The following GRM1 variants were observed in gnomAD, a reference collection of about 807,000 sequenced individuals.
GRM1 encodes metabotropic glutamate receptor 1.
A neutral mutation model predicts 90.9 loss-of-function variants in GRM1; 33 were observed. That is an observed-to-expected ratio of 0.36 (90% CI 0.28 to 0.49). The LOEUF (loss-of-function observed/expected upper bound fraction) is 0.49. GRM1 is among the 20% of genes least tolerant of loss of function. GRM1 has a pLI of 0.99. For missense variants in GRM1, 1,190 were observed against 1,534.3 expected (o/e 0.78, Z 3.75); for synonymous variants, 700 against 613.2 (o/e 1.14, Z -2.09).
chr6:146,134,434 A>G (rs1776529690), intron 1 of GRM1, among the ~76,000 whole-genome samples: 1 of 152,192 alleles, frequency 6.6e-6, no homozygotes, highest in Non-Finnish European at 1.5e-5. Context: ...CATACACAAG[A>G]CTAGGTAATT....
intron 2 of GRM1, among the ~76,000 whole-genome samples, chr6:146,258,147 C>A (rs1404345381): frequency 2.0e-5 from 3 of 152,116 alleles, no homozygotes; most frequent in African/African-American, 7.2e-5. Context: ...GAATTGAAGA[C>A]ATTGAAATGC....
At chr6:146,339,664 A>C (rs1222606851) in intron 3 of GRM1, among the ~76,000 whole-genome samples, 1 of 152,232 alleles carries the variant, frequency 6.6e-6, no homozygotes, top group Non-Finnish European at 1.5e-5. Context: ...TATGAAAGAC[A>C]ATTGTCTAAA....
intron 1 of GRM1, among the ~76,000 whole-genome samples, chr6:146,078,492 G>A (rs981624386): frequency 2.0e-5 from 3 of 152,196 alleles, no homozygotes; most frequent in African/African-American, 4.8e-5. Flanking sequence ...GGGCATGATT[G>A]ATAGTTAATA....
intron 3 of GRM1, among the ~76,000 whole-genome samples, chr6:146,309,727 T>C (rs1783712155): frequency 6.6e-6 from 1 of 152,158 alleles, no homozygotes; most frequent in Non-Finnish European, 1.5e-5. Flanking sequence ...GCACTGAATA[T>C]GATACACAGA....
intron 1 of GRM1, among the ~76,000 whole-genome samples, chr6:146,107,330 A>G (rs1775346475): frequency 6.6e-6 from 1 of 151,974 alleles, no homozygotes; most frequent in Non-Finnish European, 1.5e-5. Context: ...GCTCAATTAA[A>G]TACATATTTT....
chr6:146,387,088 G>A, intron 6 of GRM1, 72 bp downstream of exon 6: 2 of 1,382,640 alleles, frequency 1.4e-6, no homozygotes, highest in Non-Finnish European at 2.1e-6. Context: ...CCTCAAATGA[G>A]AATGATTAGC....
intron 1 of GRM1, among the ~76,000 whole-genome samples, chr6:146,139,429 T>C (rs1164967920): frequency 6.6e-6 from 1 of 152,200 alleles, no homozygotes; most frequent in Non-Finnish European, 1.5e-5. Flanking sequence ...CTCTAGTTAT[T>C]ATTGTACTGG....
chr6:146,347,681 T>C lies in GRM1; in HGVS notation c.1187-4569T>C, dbSNP rs987844593. On this transcript the variant is annotated intron_variant, in intron 3 of 7. Coordinates refer to ENST00000282753, the MANE Select transcript of GRM1 (RefSeq NM_001278064.2). ...AAGAAAACTAAATAAATGAACACTT[T>C]CTTCTAGAAATGCTCCATACCATGA... is the stretch of plus-strand genomic sequence containing the variant. Among the ~76,000 whole-genome samples, 5 of 152,322 alleles carry C rather than the reference T, an allele frequency of 3.3e-5. No individual in the cohort carries two copies. In the East Asian group the frequency reaches 9.6e-4, roughly 29 times the overall value.
intron 7 of GRM1, among the ~76,000 whole-genome samples, chr6:146,412,276 G>C (rs1777598450): frequency 6.6e-6 from 1 of 152,060 alleles, no homozygotes; most frequent in African/African-American, 2.4e-5. Flanking sequence ...TTCTTTCAGG[G>C]GCAGACAAAA....
At chr6:146,396,090 A>ATCTATCTG (rs1554307321) in intron 6 of GRM1, among the ~76,000 whole-genome samples, 28 of 150,548 alleles carry the variant, frequency 1.9e-4, no homozygotes, top group Non-Finnish European at 3.2e-4. Context: ...CTATCTATCT[A>ATCTATCTG]TCTATCTATC....
intron 2 of GRM1, among the ~76,000 whole-genome samples, chr6:146,164,564 C>G (rs894011261): frequency 6.6e-6 from 1 of 152,104 alleles, no homozygotes; most frequent in African/African-American, 2.4e-5. Context: ...GCTCTTCAAT[C>G]AGCCTGTATC....
chr6:146,046,419 A>G (rs1214474234), intron 1 of GRM1, among the ~76,000 whole-genome samples: 1 of 152,000 alleles, frequency 6.6e-6, no homozygotes, highest in Non-Finnish European at 1.5e-5. Flanking sequence ...TACAAGATGC[A>G]TGATGCATGA....
At chr6:146,042,263 A>G (rs1489157188) in intron 1 of GRM1, among the ~76,000 whole-genome samples, 1 of 152,016 alleles carries the variant, frequency 6.6e-6, no homozygotes, top group Admixed American at 6.5e-5. Context: ...CAGTTTATAA[A>G]TCAATTGGAA....
rs542205621 is a variant in GRM1, at chr6:146,300,073, C to T, written c.951-4538C>T. 3.9e-5 allele frequency among the ~76,000 whole-genome samples: 6 copies of T among 152,058 alleles called. No homozygotes were observed. The East Asian group carries it at 7.7e-4, about 20-fold the overall frequency. Reference sequence around the variant, plus strand: ...TTGTTTACATATGTTTTAAAAATATCGTTTGATTATGGTTTTCGTCTTTTC... The same window carrying T: ...TTGTTTACATATGTTTTAAAAATATTGTTTGATTATGGTTTTCGTCTTTTC... On this transcript the variant is annotated intron_variant, in intron 2 of 7. Coordinates refer to ENST00000282753, the MANE Select transcript of GRM1 (RefSeq NM_001278064.2).
At chr6:146,185,882 A>G (rs1441442233) in intron 2 of GRM1, among the ~76,000 whole-genome samples, 1 of 152,154 alleles carries the variant, frequency 6.6e-6, no homozygotes, top group Non-Finnish European at 1.5e-5. Flanking sequence ...TTTCTGGGAC[A>G]CATACCTTTA....
chr6:146,311,954 A>T (rs1783787458), intron 3 of GRM1, among the ~76,000 whole-genome samples: 1 of 152,156 alleles, frequency 6.6e-6, no homozygotes, highest in African/African-American at 2.4e-5. Context: ...TGAGAATGTT[A>T]TCATTTGCTC....
At chr6:146,178,474 G>A (rs1026403362) in intron 2 of GRM1, among the ~76,000 whole-genome samples, 8 of 152,060 alleles carry the variant, frequency 5.3e-5, no homozygotes, top group African/African-American at 1.9e-4. Flanking sequence ...GTCTAAACAT[G>A]GAAATTAATT....
intron 5 of GRM1, among the ~76,000 whole-genome samples, chr6:146,360,851 A>G (rs1020419182): frequency 6.6e-6 from 1 of 152,212 alleles, no homozygotes; most frequent in East Asian, 1.9e-4. Flanking sequence ...GAAGTGAGGT[A>G]TGGAAGGATG....
chr6:146,421,267 C>G (rs957479260), intron 7 of GRM1, among the ~76,000 whole-genome samples: 1 of 152,030 alleles, frequency 6.6e-6, no homozygotes, highest in Non-Finnish European at 1.5e-5. Context: ...AAATGGTCAT[C>G]AGTAGAAGAA....
Sources: gnomAD v4.1 joint callset for allele counts (sites outside exome capture counted in the v4.1 genomes callset) on GRCh38, gnomAD v4.1.1 for gene constraint, MANE v1.5 for transcripts, NCBI Gene and HGNC (gene_info 2026-07-23, HGNC 2026-07-21) for gene names.